Variants in SPOCK1 observed in about 807,000 individuals in gnomAD.
SPOCK1 encodes the protein testican-1.
In SPOCK1, 23 loss-of-function variants were observed where a neutral mutation model predicts 55.3. The ratio of observed to expected loss-of-function variants is 0.42; its 90% CI spans 0.30 to 0.59. The LOEUF (loss-of-function observed/expected upper bound fraction) is 0.59. Among genes scored for constraint, SPOCK1 ranks in the 20% least tolerant of loss-of-function variants. SPOCK1 has a pLI of 0.22. For synonymous variants in SPOCK1, 226 were observed against 221.0 expected (o/e 1.02, Z -0.20); for missense variants, 499 against 552.5 (o/e 0.90, Z 0.97).
chr5:137,143,051 G>C (rs1258549558), intron 3 of SPOCK1, among the ~76,000 whole-genome samples: 1 of 152,106 alleles, frequency 6.6e-6, no homozygotes, highest in Non-Finnish European at 1.5e-5. Flanking sequence ...GTCCTTCATT[G>C]CCCCTTCTCA....
intron 2 of SPOCK1, among the ~76,000 whole-genome samples, chr5:137,402,947 A>G (rs1752014541): frequency 6.6e-6 from 1 of 152,198 alleles, no homozygotes; most frequent in Admixed American, 6.5e-5. Context: ...GAGAAACCTC[A>G]GAGAATTCTC....
intron 5 of SPOCK1, among the ~76,000 whole-genome samples, chr5:137,079,533 T>TCCGCA (rs766268018): frequency 0.012 from 459 of 38,600 alleles, 16 homozygotes; most frequent in East Asian, 0.02. Context: ...CCCATCTGAT[T>TCCGCA]CCCCCCCCCC....
intron 6 of SPOCK1, among the ~76,000 whole-genome samples, chr5:137,008,408 C>G (rs988542144): frequency 6.6e-6 from 1 of 151,622 alleles, no homozygotes; most frequent in Non-Finnish European, 1.5e-5. Flanking sequence ...GATTTCAGCA[C>G]GGCAATATTC....
chr5:137,010,188 G>A (rs17521288), intron 6 of SPOCK1, among the ~76,000 whole-genome samples: 20 of 152,046 alleles, frequency 1.3e-4, no homozygotes, highest in African/African-American at 3.9e-4. Flanking sequence ...ATCTATACTC[G>A]CCCGAGTTCC....
intron 3 of SPOCK1, among the ~76,000 whole-genome samples, chr5:137,221,854 T>C (rs1755853694): frequency 6.6e-6 from 1 of 152,232 alleles, no homozygotes; most frequent in South Asian, 2.1e-4. Flanking sequence ...TACTTCTCCT[T>C]CTGGGAATGT....
At chr5:136,987,367 C>T (rs1750863359) in intron 8 of SPOCK1, among the ~76,000 whole-genome samples, 1 of 152,050 alleles carries the variant, frequency 6.6e-6, no homozygotes, top group Admixed American at 6.6e-5. Flanking sequence ...AAAAAATATA[C>T]AAAGAACATA....
At chr5:137,067,906 T>G (rs1752541393) in intron 5 of SPOCK1, 77 bp from the exon 6 acceptor site, 1 of 1,199,534 alleles carries the variant, frequency 8.3e-7, no homozygotes, top group Admixed American at 1.8e-5. Context: ...GAAACAGCAG[T>G]GCCCTTTGCT....
At chr5:137,415,765 A>G (rs1458225236) in intron 2 of SPOCK1, among the ~76,000 whole-genome samples, 1 of 152,176 alleles carries the variant, frequency 6.6e-6, no homozygotes, top group Non-Finnish European at 1.5e-5. Flanking sequence ...AAAAAGAGAA[A>G]CTTTTGCTGA....
At chr5:137,434,480 C>CTT (rs146762668) in intron 2 of SPOCK1, among the ~76,000 whole-genome samples, 3,136 of 68,014 alleles carry the variant, frequency 0.046, 408 homozygotes, top group Admixed American at 0.064. Context: ...TCTTTTTTTT[C>CTT]TTTTTTTTTT....
rs185384138 is a variant in SPOCK1 at position 137,386,085 on chromosome 5, C to G, written c.186+112288G>C. On this transcript the variant is annotated intron_variant, in intron 2 of 10. Coordinates refer to ENST00000394945, the MANE Select transcript of SPOCK1 (RefSeq NM_004598.4). ...AGTCAATTGCTTTCCTATTTGCCAA[C>G]AGTGAACAAGTGGAATTTGAAATTA... Among the ~76,000 whole-genome samples the G allele has an allele frequency of 1.4e-3, 209 of 152,272 alleles. 1 individual carries two copies. Among genetic ancestry groups the G allele is most frequent in the African/African-American group, 4.8e-3 (199 of 41,550 alleles).
intron 5 of SPOCK1, among the ~76,000 whole-genome samples, chr5:137,107,135 CT>C (rs1753386180): frequency 6.6e-6 from 1 of 152,190 alleles, no homozygotes; most frequent in Non-Finnish European, 1.5e-5. Context: ...ATCTAAACAT[CT>C]ATTCTAACGA....
chr5:137,068,586 G>A (rs1467095808), intron 5 of SPOCK1, among the ~76,000 whole-genome samples: 1 of 152,202 alleles, frequency 6.6e-6, no homozygotes, highest in African/African-American at 2.4e-5. Context: ...AACACAGGCA[G>A]GAGAGAGGAA....
intron 5 of SPOCK1, among the ~76,000 whole-genome samples, chr5:137,069,991 A>C (rs1352322852): frequency 1.3e-5 from 2 of 152,190 alleles, no homozygotes; most frequent in Non-Finnish European, 2.9e-5. Flanking sequence ...CTTCTGCTCC[A>C]GGCCCCATGT....
At chr5:137,246,444 T>G (rs936064657) in intron 3 of SPOCK1, among the ~76,000 whole-genome samples, 1 of 152,236 alleles carries the variant, frequency 6.6e-6, no homozygotes, top group African/African-American at 2.4e-5. Context: ...TAGTTCTACC[T>G]CCTGGAATCA....
At chr5:137,010,370 T>G (rs17521302) in intron 6 of SPOCK1, among the ~76,000 whole-genome samples, 5,564 of 151,864 alleles carry the variant, frequency 0.037, 112 homozygotes, top group Non-Finnish European at 0.047. Context: ...TGTGGAGAGA[T>G]AGAGCCACCA....
chr5:137,420,840 T>G (rs1340714577), intron 2 of SPOCK1, among the ~76,000 whole-genome samples: 5 of 152,246 alleles, frequency 3.3e-5, no homozygotes, highest in Admixed American at 2.6e-4. Context: ...TTCTGCTAGC[T>G]TTTGAATGTG....
At chr5:137,167,958 AAAAG>A (rs1222245927) in intron 3 of SPOCK1, among the ~76,000 whole-genome samples, 4 of 152,116 alleles carry the variant, frequency 2.6e-5, no homozygotes, top group African/African-American at 7.2e-5. Flanking sequence ...TTACTAGAAG[AAAAG>A]AAATAGTAAA....
At chr5:137,455,878 T>TA (rs893993450) in intron 2 of SPOCK1, among the ~76,000 whole-genome samples, 24 of 150,750 alleles carry the variant, frequency 1.6e-4, no homozygotes, top group African/African-American at 4.4e-4. Flanking sequence ...AAAGTAGAAA[T>TA]AAAAAAAAAT....
intron 2 of SPOCK1, among the ~76,000 whole-genome samples, chr5:137,356,798 A>AATATATATATATATATATATATAT (rs1191051173): frequency 7.3e-5 from 1 of 13,740 alleles, no homozygotes; most frequent in Non-Finnish European, 1.2e-4. Context: ...CAAAAAAAAT[A>AATATATATATATATATATATATAT]ATATATATAT....
Sources: gnomAD v4.1 joint callset for allele counts (sites outside exome capture counted in the v4.1 genomes callset) on GRCh38, gnomAD v4.1.1 for gene constraint, MANE v1.5 for transcripts, NCBI Gene and HGNC (gene_info 2026-07-23, HGNC 2026-07-21) for gene names.